The following MATN2 variants were observed in gnomAD, a reference collection of about 807,000 sequenced individuals.
MATN2 encodes matrilin-2.
MATN2 carries 69 observed loss-of-function variants against 103.2 expected under a neutral mutation model. The observed-to-expected ratio is 0.67, with a 90% CI of 0.55 to 0.82. The LOEUF (loss-of-function observed/expected upper bound fraction) is 0.82. MATN2 is among the 40% of genes least tolerant of loss of function. MATN2 has a pLI of 0.00. For synonymous variants in MATN2, 429 were observed against 450.2 expected, an observed-to-expected ratio of 0.95 and a Z score of 0.60; for missense variants, 1,023 against 1,211.5, an observed-to-expected ratio of 0.84 and a Z score of 2.31.
intron 2 of MATN2, among the ~76,000 whole-genome samples, chr8:97,907,364 T>C (rs1237048948): frequency 6.8e-6 from 1 of 147,520 alleles, no homozygotes; most frequent in Non-Finnish European, 1.5e-5. Flanking sequence ...CAGGCTGGAG[T>C]GCAGTGGCGC....
intron 2 of MATN2, among the ~76,000 whole-genome samples, chr8:97,913,884 G>A (rs535897105): frequency 6.6e-6 from 1 of 152,282 alleles, no homozygotes; most frequent in South Asian, 2.1e-4. Context: ...TAAAGTGCTG[G>A]GATTACAGGC....
rs111356871 is a variant in MATN2, at chr8:97,956,193, CT to C, written c.836-5203del. On this transcript the variant is annotated intron_variant, in intron 4 of 18. Coordinates refer to ENST00000254898, the MANE Select transcript of MATN2 (RefSeq NM_002380.5). ...AGTTTTACAGTCATATTTATACCCA[CT>C]TTTTTTTTTTTGAGATGGAGTTTCC... 8.8e-4 allele frequency among the ~76,000 whole-genome samples: 129 copies of C among 146,878 alleles called. No homozygotes were observed. The South Asian group carries it at 9.9e-3, about 11-fold the overall frequency.
At chr8:97,887,731 T>G (rs1008472976) in intron 1 of MATN2, 11 of 160,302 alleles carry the variant, frequency 6.9e-5, no homozygotes, top group Non-Finnish European at 1.4e-5. Context: ...TGTAATAGCT[T>G]TTTTTTATTC....
rs1371404307 is a variant in MATN2 at position 98,035,869 on chromosome 8, A to G, written c.*157A>G. ...GGTTTGCCACAGAACAAAGACAAGA[A>G]GTATACACTAACTTGTATAAATTTA... On this transcript the variant is annotated 3_prime_UTR_variant, in exon 19 of 19. Coordinates refer to ENST00000254898, the MANE Select transcript of MATN2 (RefSeq NM_002380.5). 4.6e-6 allele frequency: 2 copies of G among 438,890 alleles called. No homozygotes were observed. The highest frequency in any genetic ancestry group is 8.3e-6 in the Non-Finnish European group (2 of 242,270). 27.2% of individuals were successfully genotyped at this position (438,890 alleles called of 1,614,324 possible). A position where few individuals can be genotyped will look rare whatever the true frequency, so the allele number is the denominator to read the frequency against.
At chr8:97,934,463 C>A (rs1810307579) in intron 3 of MATN2, among the ~76,000 whole-genome samples, 1 of 152,212 alleles carries the variant, frequency 6.6e-6, no homozygotes, top group Non-Finnish European at 1.5e-5. Flanking sequence ...AAATGGTGAG[C>A]ATTTTCCAAG....
At chr8:97,926,727 C>G (rs1810001320) in intron 2 of MATN2, among the ~76,000 whole-genome samples, 1 of 152,202 alleles carries the variant, frequency 6.6e-6, no homozygotes, top group Admixed American at 6.5e-5. Context: ...ATCTATGACT[C>G]CATTAGCAGG....
chr8:97,954,264 A>C (rs1028049062), intron 4 of MATN2, among the ~76,000 whole-genome samples: 6 of 152,120 alleles, frequency 3.9e-5, no homozygotes, highest in African/African-American at 1.4e-4. Flanking sequence ...TTCAGGTCCA[A>C]ATAAAAATTT....
At chr8:97,895,139 C>T (rs1818768118) in intron 2 of MATN2, among the ~76,000 whole-genome samples, 1 of 152,170 alleles carries the variant, frequency 6.6e-6, no homozygotes, top group Admixed American at 6.5e-5. Context: ...TCACAAAATG[C>T]TGGAATTACA....
intron 2 of MATN2, among the ~76,000 whole-genome samples, chr8:97,902,178 GT>G (rs761236013): frequency 0.18 from 25,122 of 141,266 alleles, 2,108 homozygotes; most frequent in African/African-American, 0.2. Context: ...ACATGTATTT[GT>G]TTTTTTTTTT....
chr8:98,026,887 C>T (rs1054489641), intron 13 of MATN2, among the ~76,000 whole-genome samples: 3 of 152,092 alleles, frequency 2.0e-5, no homozygotes, highest in African/African-American at 7.2e-5. Flanking sequence ...CAAAGCAGGT[C>T]CTCAATAAAT....
Position 98,032,066 on chromosome 8 carries a change from A to C in MATN2, c.2510-180A>C, listed in dbSNP as rs1389061310. On this transcript the variant is annotated intron_variant, in intron 15 of 18. Coordinates refer to ENST00000254898, the MANE Select transcript of MATN2 (RefSeq NM_002380.5). ...CTCTTACGAGAGAGAATTGCCCTAG[A>C]GTGGTCATAAGTATCATGGTAACCA... is the stretch of plus-strand genomic sequence containing the variant. The C allele has an allele frequency of 1.3e-5, 7 of 551,552 alleles. No homozygotes were observed. In the East Asian group the frequency reaches 2.1e-4, roughly 17 times the overall value. 34.2% of individuals were successfully genotyped at this position (551,552 alleles called of 1,614,324 possible). A position where few individuals can be genotyped will look rare whatever the true frequency, so the allele number is the denominator to read the frequency against.
chr8:98,012,693 G>C (rs1030896564), intron 10 of MATN2, among the ~76,000 whole-genome samples: 1 of 152,168 alleles, frequency 6.6e-6, no homozygotes, highest in Non-Finnish European at 1.5e-5. Flanking sequence ...TTTGTCTTCT[G>C]AGAATCTGCC....
At chr8:97,880,597 T>G (rs1818222138) in intron 1 of MATN2, among the ~76,000 whole-genome samples, 1 of 152,222 alleles carries the variant, frequency 6.6e-6, no homozygotes, top group Non-Finnish European at 1.5e-5. Context: ...TGTAATATGC[T>G]TCCCCCTGCA....
intron 4 of MATN2, among the ~76,000 whole-genome samples, chr8:97,944,688 T>A (rs925163409): frequency 3.3e-5 from 5 of 152,160 alleles, no homozygotes; most frequent in Non-Finnish European, 7.4e-5. Context: ...TTAGGCCCTG[T>A]TTTTGGTCTA....
intron 2 of MATN2, among the ~76,000 whole-genome samples, chr8:97,900,832 G>A (rs991966864): frequency 6.6e-6 from 1 of 152,150 alleles, no homozygotes; most frequent in African/African-American, 2.4e-5. Flanking sequence ...CTACTCTGGA[G>A]GCTGAGGCAG....
chr8:97,910,729 A>G (rs1053300333), intron 2 of MATN2, among the ~76,000 whole-genome samples: 2 of 152,194 alleles, frequency 1.3e-5, no homozygotes, highest in South Asian at 2.1e-4. Flanking sequence ...GAGTCCCTAC[A>G]TTCAAATCAT....
rs1211048863 is a variant in MATN2 at position 98,027,778 on chromosome 8, G to A, written c.2305G>A (p.Gly769Arg). 6 of 1,603,998 alleles carry A rather than the reference G, an allele frequency of 3.7e-6. No homozygotes were observed. Among genetic ancestry groups the A allele is most frequent in the African/African-American group, 1.3e-5 (1 of 74,236 alleles). ...VPRAAIVFTD[G>R]RAQDDVSEWA... ...CAGAGCAGCCATTGTGTTCACCGAC[G>A]GACGGGCTCAGGATGACGTCTCCGA... Residue 769 changes from glycine to arginine, a missense_variant, in exon 14 of 19, where the codon GGA becomes AGA. By Grantham distance (125) the Gly-to-Arg change is moderately radical. Coordinates refer to ENST00000254898, the MANE Select transcript of MATN2 (RefSeq NM_002380.5).
rs376350802 is a variant in MATN2 at position 98,035,225 on chromosome 8, C to T, written c.2816-432C>T. On this transcript the variant is annotated intron_variant, in intron 18 of 18. Transcript: ENST00000254898. ...ATACAAAATTAGCTGGGCGTGGTGG[C>T]GCATGCCTGTAATCCCAGCTACTCG... Among the ~76,000 whole-genome samples the T allele has an allele frequency of 1.6e-3, 249 of 152,032 alleles. 6 individuals carry two copies. In the South Asian group the frequency reaches 0.027, roughly 17 times the overall value.
rs185894209 is a variant in MATN2 at position 97,890,875 on chromosome 8, T to C, written c.142+2633T>C. ...GCAGAATTGTTTCTTAGGTTAATTT[T>C]TTTTGAACTTTCTGGGTTTTAAAAA... On this transcript the variant is annotated intron_variant, in intron 2 of 18. Coordinates refer to ENST00000254898, the MANE Select transcript of MATN2 (RefSeq NM_002380.5). 3.9e-5 allele frequency among the ~76,000 whole-genome samples: 6 copies of C among 152,366 alleles called. No individual in the cohort carries two copies. In the East Asian group the frequency reaches 1.2e-3, roughly 29 times the overall value.
Sources: gnomAD v4.1 joint callset for allele counts (sites outside exome capture counted in the v4.1 genomes callset) on GRCh38, gnomAD v4.1.1 for gene constraint, MANE v1.5 for transcripts, NCBI Gene and HGNC (gene_info 2026-07-23, HGNC 2026-07-21) for gene names.